Variants in SH3BP4 observed in about 807,000 individuals in gnomAD.
SH3BP4 encodes the protein SH3 domain-binding protein 4.
In SH3BP4, 33 loss-of-function variants were observed where a neutral mutation model predicts 65.5. That is an observed-to-expected ratio of 0.50 (90% CI 0.38 to 0.67). The LOEUF (loss-of-function observed/expected upper bound fraction) is 0.67, where lower values mean the gene tolerates loss of function less well. SH3BP4 is among the 30% of genes least tolerant of loss of function. The pLI is 0.00. For missense variants in SH3BP4, 1,134 were observed against 1,261.4 expected (o/e 0.90, Z 1.53); for synonymous variants, 552 against 545.5 (o/e 1.01, Z -0.17).
In SH3BP4 at chr2:235,041,371, C is replaced by G; in HGVS notation, c.602C>G (p.Ser201Cys). ...DLLLFDAGTS[S>C]FTESSSATTN... The stretch of plus-strand genomic sequence containing the variant: ...CTCCTTTTTGACGCAGGTACATCCT[C>G]CTTCACCGAATCCAGCTCAGCCACC... The change falls in exon 4 of 6, where the codon TCC (serine) becomes TGC (cysteine). Residue 201 changes from serine (S) to cysteine (C), a missense_variant. Coordinates refer to ENST00000392011, the MANE Select transcript of SH3BP4 (RefSeq NM_014521.3). This position sits in a 1 kb window ranked among gnomAD's most constrained non-coding sequence, Gnocchi z 6.0. 1 of 1,614,214 alleles carries G rather than the reference C, an allele frequency of 6.2e-7. No homozygotes were observed. Among genetic ancestry groups the G allele is most frequent in the Non-Finnish European group, 8.5e-7 (1 of 1,180,048 alleles).
At chr2:235,010,167 C>T (rs1021710550) in intron 2 of SH3BP4, among the ~76,000 whole-genome samples, 1 of 152,162 alleles carries the variant, frequency 6.6e-6, no homozygotes, top group African/African-American at 2.4e-5. Flanking sequence ...CCCTATGGCT[C>T]CCACCCCAGG....
intron 2 of SH3BP4, among the ~76,000 whole-genome samples, chr2:235,025,291 C>T (rs1434637919): frequency 2.6e-5 from 4 of 152,146 alleles, no homozygotes; most frequent in Non-Finnish European, 5.9e-5. Context: ...GACCCAGGAG[C>T]GCACTAGGGA....
rs1175644118 is a variant in SH3BP4, at chr2:235,041,922, C to G, written c.1153C>G (p.Leu385Val). The G allele has an allele frequency of 1.2e-6, 2 of 1,613,552 alleles. No individual in the cohort carries two copies. Among genetic ancestry groups the G allele is most frequent in the South Asian group, 2.2e-5 (2 of 91,072 alleles). ...TGTGCTGGAGGTCAAGCTGAGCAAC[C>G]TGGAGGTGAAAACCTCTATCATCTT... Reference protein sequence around the residue: ...SPVLEVKLSNLEVKTSIILEM... With the variant: ...SPVLEVKLSNVEVKTSIILEM... Residue 385 changes from leucine to valine, a missense_variant, in exon 4 of 6, where the codon CTG becomes GTG. Leu to Val is a conservative substitution (Grantham distance 32, BLOSUM62 1). Coordinates refer to ENST00000392011, the MANE Select transcript of SH3BP4 (RefSeq NM_014521.3). This position sits in a 1 kb window ranked among gnomAD's most constrained non-coding sequence, Gnocchi z 6.0.
Position 235,052,438 on chromosome 2 carries a change from G to T in SH3BP4, c.2479-124G>T, listed in dbSNP as rs934053280. 17 of 696,254 alleles carry T rather than the reference G, an allele frequency of 2.4e-5. No individual in the cohort carries two copies. The African/African-American group carries it at 3.1e-4, about 12-fold the overall frequency. 43.1% of individuals were successfully genotyped at this position (696,254 alleles called of 1,614,324 possible). ...CGATTTCAGGGGACATTTGGTAGTA[G>T]GCCAGGGAACATGGAGAATAGAGAG... On this transcript the variant is annotated intron_variant, in intron 4 of 5. Transcript: ENST00000392011. The surrounding 1 kb of genome is among the most constrained non-coding windows in gnomAD (Gnocchi z 5.0).
chr2:234,972,070 C>T (rs1693016475), intron 1 of SH3BP4, among the ~76,000 whole-genome samples: 1 of 151,906 alleles, frequency 6.6e-6, no homozygotes, highest in Non-Finnish European at 1.5e-5. Flanking sequence ...CCGTCTCAGC[C>T]TCCCAAAGTG....
At chr2:235,024,878 G>C (rs1395740761) in intron 2 of SH3BP4, among the ~76,000 whole-genome samples, 2 of 152,086 alleles carry the variant, frequency 1.3e-5, no homozygotes, top group Admixed American at 1.3e-4. Flanking sequence ...GAAGCTTTGC[G>C]GTCTTAAGTG....
chr2:234,992,293 C>T lies in SH3BP4; in HGVS notation c.-206-3010C>T, dbSNP rs113509713. Among the ~76,000 whole-genome samples the T allele has an allele frequency of 5.7e-3, 860 of 152,084 alleles. 9 individuals carry two copies. The highest frequency in any genetic ancestry group is 0.02 in the African/African-American group (830 of 41,480). ...GAGGGCTGGGCAGCAGCGAGGATGG[C>T]GAGGCTGAGGCCCTGGACCACATGC... On this transcript the variant is annotated intron_variant, in intron 1 of 5. Coordinates refer to ENST00000392011, the MANE Select transcript of SH3BP4 (RefSeq NM_014521.3).
chr2:234,993,969 C>A (rs1342716898), intron 1 of SH3BP4, among the ~76,000 whole-genome samples: 1 of 152,132 alleles, frequency 6.6e-6, no homozygotes, highest in Non-Finnish European at 1.5e-5. Flanking sequence ...TGTGTTTGTG[C>A]ATATATTTTG....
At position 235,046,717 on chromosome 2, in the gene SH3BP4, TTGAA is replaced by T. The variant is rs959844303; in HGVS notation, c.2478+3482_2478+3485del. Among the ~76,000 whole-genome samples the T allele has an allele frequency of 6.8e-5, 10 of 146,466 alleles. No homozygotes were observed. Among genetic ancestry groups the T allele is most frequent in the Admixed American group, 2.7e-4 (4 of 14,774 alleles). ...ACTGAGGTACTAGATGGATAAGTGA[TTGAA>T]TGAATGAATGATGGATGAATGAATG... On this transcript the variant is annotated intron_variant, in intron 4 of 5. Transcript: ENST00000392011. This position sits in a 1 kb window ranked among gnomAD's most constrained non-coding sequence, Gnocchi z 4.2.
rs1692508414 is a variant in SH3BP4, at chr2:234,952,951, G to T, written c.-207+781G>T. On this transcript the variant is annotated intron_variant, in intron 1 of 5. Transcript: ENST00000392011. The surrounding 1 kb of genome is among the most constrained non-coding windows in gnomAD (Gnocchi z 6.5). ...AGCCCGGGGCCTGCGGTGTAGACGG[G>T]GGTTGGGGACAGGCCCAGCTGGCCC... 2.0e-5 allele frequency: 3 copies of T among 152,094 alleles called. No homozygotes were observed. The South Asian group carries it at 6.2e-4, about 32-fold the overall frequency. The allele number at this position is 152,094 out of a possible 1,614,324, so 9.4% of individuals were successfully genotyped here.
At position 234,976,768 on chromosome 2, in the gene SH3BP4, G is replaced by T. The variant is rs2106251772; in HGVS notation, c.-206-18535G>T. 7.6e-6 allele frequency among the ~76,000 whole-genome samples: 1 copy of T among 131,624 alleles called. No homozygotes were observed. Among genetic ancestry groups the T allele is most frequent in the South Asian group, 2.5e-4 (1 of 3,988 alleles). 86.4% of individuals were successfully genotyped at this position (131,624 alleles called of 152,430 possible). ...TGGGAGAAAAACCCCCAGCCGAGGG[G>T]CGTCTTACAGAATACCTAACCAGGC... On this transcript the variant is annotated intron_variant, in intron 1 of 5. Transcript: ENST00000392011. The surrounding 1 kb of genome is among the most constrained non-coding windows in gnomAD (Gnocchi z 4.7).
chr2:234,969,310 A>C (rs1225345641), intron 1 of SH3BP4, among the ~76,000 whole-genome samples: 1 of 152,076 alleles, frequency 6.6e-6, no homozygotes, highest in Non-Finnish European at 1.5e-5. Flanking sequence ...GGAACGGTAG[A>C]GTCTGGGTCT....
intron 2 of SH3BP4, among the ~76,000 whole-genome samples, chr2:235,009,295 AGT>A (rs1261480812): frequency 3.9e-5 from 6 of 152,134 alleles, no homozygotes; most frequent in African/African-American, 7.2e-5. Context: ...CTGCAAAGGC[AGT>A]TGTCCCCTCC....
rs1574767292 is a variant in SH3BP4, at chr2:234,952,954, T to C, written c.-207+784T>C. ...CCGGGGCCTGCGGTGTAGACGGGGG[T>C]TGGGGACAGGCCCAGCTGGCCCTGA... On this transcript the variant is annotated intron_variant, in intron 1 of 5. Coordinates refer to ENST00000392011, the MANE Select transcript of SH3BP4 (RefSeq NM_014521.3). The surrounding 1 kb of genome is among the most constrained non-coding windows in gnomAD (Gnocchi z 6.5). 1 of 151,346 alleles carries C rather than the reference T, an allele frequency of 6.6e-6. No individual in the cohort carries two copies. The highest frequency in any genetic ancestry group is 6.6e-5 in the Admixed American group (1 of 15,242). 9.4% of individuals were successfully genotyped at this position (151,346 alleles called of 1,614,324 possible). A position where few individuals can be genotyped will look rare whatever the true frequency, so the allele number is the denominator to read the frequency against.
intron 2 of SH3BP4, among the ~76,000 whole-genome samples, chr2:235,029,442 G>A (rs1192185627): frequency 6.6e-6 from 1 of 152,148 alleles, no homozygotes; most frequent in Non-Finnish European, 1.5e-5. Context: ...AAAAGAATGG[G>A]AATGCAGCCA....
At chr2:234,984,836 T>C (rs976399345) in intron 1 of SH3BP4, among the ~76,000 whole-genome samples, 2 of 146,908 alleles carry the variant, frequency 1.4e-5, no homozygotes, top group African/African-American at 5.0e-5. Flanking sequence ...AGATGACTGG[T>C]CCCAGCAGTC....
rs761435834 is a variant in SH3BP4, at chr2:235,053,716, G to T, written c.2792G>T (p.Arg931Leu). The T allele has an allele frequency of 3.1e-6, 5 of 1,614,184 alleles. No individual in the cohort carries two copies. The Admixed American group carries it at 5.0e-5, about 16-fold the overall frequency. The stretch of plus-strand genomic sequence containing the variant: ...AAGATGAAAAACCCCATCACCAAGC[G>T]CTGGAAGCACCTCACTGGGACTCTG... ...LDKMKNPITKRWKHLTGTLIL... is the reference protein window; with the variant it reads ...LDKMKNPITKLWKHLTGTLIL... The change falls in exon 6 of 6, where the codon CGC (arginine) becomes CTC (leucine). Residue 931 changes from arginine (R) to leucine (L), a missense_variant. Arg to Leu is a moderately radical substitution (Grantham distance 102). Transcript: ENST00000392011.
At chr2:235,019,433 A>ATTT (rs564639628) in intron 2 of SH3BP4, among the ~76,000 whole-genome samples, 1 of 129,160 alleles carries the variant, frequency 7.7e-6, no homozygotes, top group Admixed American at 8.1e-5. Context: ...GGAAGGGCGA[A>ATTT]TTTTTTTTTT....
At chr2:234,973,347 C>G (rs1400394227) in intron 1 of SH3BP4, among the ~76,000 whole-genome samples, 1 of 152,150 alleles carries the variant, frequency 6.6e-6, no homozygotes, top group Non-Finnish European at 1.5e-5. Flanking sequence ...CAGTGGTTCA[C>G]CTACCCCTGT....
Sources: allele counts gnomAD v4.1 joint callset (sites outside exome capture counted in the v4.1 genomes callset), GRCh38; gene constraint gnomAD v4.1.1; non-coding constraint Gnocchi (gnomAD v3.1); transcripts MANE v1.5; gene names NCBI Gene and HGNC (gene_info 2026-07-23, HGNC 2026-07-21).